LAMA5: variants seen among roughly 807,000 people sequenced by gnomAD.
LAMA5 encodes the protein laminin subunit alpha 5.
Under a neutral mutation model 433.4 loss-of-function variants are expected in LAMA5, and 260 were observed. The ratio of observed to expected loss-of-function variants is 0.60; its 90% CI spans 0.54 to 0.66. The LOEUF (loss-of-function observed/expected upper bound fraction) is 0.66, where lower values mean the gene tolerates loss of function less well. Ranked by LOEUF, LAMA5 falls within the 30% of genes least tolerant of loss-of-function variation. The pLI, the probability that LAMA5 is intolerant of heterozygous loss-of-function variation, is 0.00. For synonymous variants in LAMA5, 2,620 were observed against 2,226.6 expected (o/e 1.18, Z -4.97); for missense variants, 5,378 against 5,258.5 (o/e 1.02, Z -0.70).
chr20:62,363,226 C>A (rs1986353126), intron 1 of LAMA5, among the ~76,000 whole-genome samples: 1 of 152,184 alleles, frequency 6.6e-6, no homozygotes, highest in Non-Finnish European at 1.5e-5. Flanking sequence ...CCTGTGGGGA[C>A]CGGCCCCAGA....
rs1456837063 is a variant in LAMA5, at chr20:62,337,999, C to T, written c.1891+17G>A. ...TGTGGGTGGCAGAACCCCTTCCTGC[C>T]CTGACCCTCTGCTCACCTTGGCAGT... On this transcript the variant is annotated intron_variant, in intron 14 of 79. Transcript: ENST00000252999. The T allele has an allele frequency of 3.8e-6, 6 of 1,595,444 alleles. No individual in the cohort carries two copies. In the African/African-American group the frequency reaches 5.4e-5, roughly 14 times the overall value.
intron 76 of LAMA5, 48 bp downstream of exon 76, chr20:62,310,371 G>GA (rs1294900547): frequency 6.4e-7 from 1 of 1,562,952 alleles, no homozygotes; most frequent in Non-Finnish European, 8.6e-7. Flanking sequence ...ACCTCCTGGA[G>GA]CCCCCTGCCC....
chr20:62,366,572 G>A (rs1434675745), intron 1 of LAMA5, among the ~76,000 whole-genome samples: 1 of 152,210 alleles, frequency 6.6e-6, no homozygotes, highest in Non-Finnish European at 1.5e-5. Context: ...CCCGGGTAGG[G>A]CGGAGCTGCG....
chr20:62,324,118 A>G lies in LAMA5; in HGVS notation c.5730T>C (p.Cys1910=), dbSNP rs1011548921. 6.6e-7 allele frequency: 1 copy of G among 1,525,310 alleles called. No homozygotes were observed. The highest frequency in any genetic ancestry group is 1.4e-5 in the African/African-American group (1 of 70,746). The allele number at this position is 1,525,310 out of a possible 1,614,324, so 94.5% of individuals were successfully genotyped here. A position where few individuals can be genotyped will look rare whatever the true frequency, so the allele number is the denominator to read the frequency against. ...CTGAGAGGGGGCAGGGGCAGCTGAC[A>G]CAGGGGGCGCTGGGGTCGTCCCTGC... ...VSSRDDPSAP[C]VSCPCPLSVP... is the part of the protein sequence containing the mutation. The change falls in exon 43 of 80, where the codon TGT becomes TGC. Residue 1910 remains cysteine (C), a synonymous_variant. Coordinates refer to ENST00000252999, the MANE Select transcript of LAMA5 (RefSeq NM_005560.6). The surrounding 1 kb of genome is among the most constrained non-coding windows in gnomAD (Gnocchi z 4.4).
Position 62,310,042 on chromosome 20 carries a change from T to C in LAMA5, c.10774A>G (p.Thr3592Ala). 1 of 1,611,206 alleles carries C rather than the reference T, an allele frequency of 6.2e-7. No individual in the cohort carries two copies. Among genetic ancestry groups the C allele is most frequent in the Non-Finnish European group, 8.5e-7 (1 of 1,179,716 alleles). Residue 3592 changes from threonine to alanine, a missense_variant, in exon 78 of 80, where the codon ACG becomes GCG. Transcript: ENST00000252999. ...RADDGAGEFS[T>A]SVTRPSVLCD... Reference sequence around the variant, plus strand: ...AGCACTGAGGGGCGGGTCACTGACGTGGAGAACTCCCCTGCTCCGTCATCC... The same window carrying C: ...AGCACTGAGGGGCGGGTCACTGACGCGGAGAACTCCCCTGCTCCGTCATCC...
Position 62,325,535 on chromosome 20 carries a change from C to A in LAMA5, c.5310G>T (p.Arg1770=). Reference sequence around the variant, plus strand: ...ACACAGTGTTGCGCGTCTCCGTATGCCGGAAGTTCCCCTGTGGGTCCAGGA... The same window carrying A: ...ACACAGTGTTGCGCGTCTCCGTATGACGGAAGTTCCCCTGTGGGTCCAGGA... ...GQLQLVEGNF[R]HTETRNTVSR... is the part of the protein sequence containing the mutation. The change falls in exon 41 of 80, where the codon CGG becomes CGT. Residue 1770 remains arginine (R), a synonymous_variant. Coordinates refer to ENST00000252999, the MANE Select transcript of LAMA5 (RefSeq NM_005560.6). The A allele has an allele frequency of 1.2e-6, 2 of 1,606,200 alleles. No individual in the cohort carries two copies. The highest frequency in any genetic ancestry group is 8.5e-7 in the Non-Finnish European group (1 of 1,175,680).
chr20:62,358,644 C>A (rs1985595924), intron 2 of LAMA5, among the ~76,000 whole-genome samples: 1 of 152,150 alleles, frequency 6.6e-6, no homozygotes, highest in East Asian at 1.9e-4. Flanking sequence ...GTGCTCCTCC[C>A]ATTTACAGAG....
rs966761227 is a variant in LAMA5, at chr20:62,332,734, G to A, written c.3283-17C>T. The A allele has an allele frequency of 1.9e-6, 3 of 1,607,948 alleles. No individual in the cohort carries two copies. The highest frequency in any genetic ancestry group is 2.2e-5 in the East Asian group (1 of 44,834). On this transcript the variant is annotated splice_polypyrimidine_tract_variant and intron_variant, in intron 26 of 79. Coordinates refer to ENST00000252999, the MANE Select transcript of LAMA5 (RefSeq NM_005560.6). ...GACGTCCACCTGCAGGGAAGGCAGG[G>A]TGACGGGAGGCCCGCCACCCCTCGC...
Position 62,330,730 on chromosome 20 carries a change from C to T in LAMA5, c.3852+13G>A, listed in dbSNP as rs531686503. On this transcript the variant is annotated intron_variant, in intron 30 of 79. Transcript: ENST00000252999. Reference sequence around the variant, plus strand: ...CCTGACACCCCCGTCCCTCTAGAGACTATGGCCCTCACCTGGGGCTCACGC... The same window carrying T: ...CCTGACACCCCCGTCCCTCTAGAGATTATGGCCCTCACCTGGGGCTCACGC... 2.8e-5 allele frequency: 44 copies of T among 1,557,388 alleles called. No individual in the cohort carries two copies. Among genetic ancestry groups the T allele is most frequent in the Admixed American group, 5.8e-5 (3 of 51,718 alleles).
At position 62,311,459 on chromosome 20, in the gene LAMA5, G is replaced by GC; in HGVS notation, c.9883dup (p.Ala3295GlyfsTer12). On this transcript the variant is annotated frameshift_variant, in exon 72 of 80. Coordinates refer to ENST00000252999, the MANE Select transcript of LAMA5 (RefSeq NM_005560.6). LOFTEE classifies it high-confidence loss of function. ...CAGGCCCGGGGTCTGGGCTTGCAGGGCGGGTGCACAGCCCGTGCTCACATT... is the reference window on the plus strand; with the variant it reads ...CAGGCCCGGGGTCTGGGCTTGCAGGGCCGGGTGCACAGCCCGTGCTCACATT... 6.2e-7 allele frequency: 1 copy of GC among 1,606,626 alleles called. No homozygotes were observed. The highest frequency in any genetic ancestry group is 8.5e-7 in the Non-Finnish European group (1 of 1,177,028).
In LAMA5 at chr20:62,317,719, A is replaced by G. The variant is rs751036425; in HGVS notation, c.7299T>C (p.Ala2433=). The change falls in exon 54 of 80, where the codon GCT becomes GCC. Residue 2433 remains alanine, a synonymous_variant. Coordinates refer to ENST00000252999, the MANE Select transcript of LAMA5 (RefSeq NM_005560.6). The part of the protein sequence containing the change: ...NATLQATLHA[A]RDTLASVFRL... ...TGAAGACGCTGGCCAGGGTGTCCCT[A>G]GCCGCATGCAGAGTGGCCTGCAGGG... is the stretch of plus-strand genomic sequence containing the variant. 7 of 1,606,960 alleles carry G rather than the reference A, an allele frequency of 4.4e-6. No individual in the cohort carries two copies. The highest frequency in any genetic ancestry group is 4.2e-6 in the Non-Finnish European group (5 of 1,177,666).
intron 47 of LAMA5, 36 bp downstream of exon 47, chr20:62,322,233 T>C (rs1260339120): frequency 2.6e-6 from 4 of 1,561,786 alleles, no homozygotes; most frequent in African/African-American, 1.4e-5. Context: ...CACTCAGAAG[T>C]CCCCATCCGC....
chr20:62,334,153 G>T (rs534665051), intron 22 of LAMA5, 33 bp downstream of exon 22: 2 of 1,603,828 alleles, frequency 1.2e-6, no homozygotes, highest in African/African-American at 1.3e-5. Context: ...TCCACTTCTA[G>T]GCTGAGCCTG....
chr20:62,310,480 G>A lies in LAMA5; in HGVS notation c.10539C>T (p.Cys3513=). The A allele has an allele frequency of 2.5e-6, 4 of 1,591,984 alleles. No individual in the cohort carries two copies. Among genetic ancestry groups the A allele is most frequent in the Non-Finnish European group, 3.4e-6 (4 of 1,171,650 alleles). ...GGCCCGCCTCCAGGGGGCCCAAGAT[G>A]CAGGGTGTGACCCCTGCCATCCGTG... is the stretch of plus-strand genomic sequence containing the variant. ...APTRMAGVTP[C]ILGPLEAGLF... Residue 3513 remains cysteine, a synonymous_variant, in exon 76 of 80, where the codon TGC becomes TGT. Coordinates refer to ENST00000252999, the MANE Select transcript of LAMA5 (RefSeq NM_005560.6).
At chr20:62,321,721 T>TGGGGCCAGGGGA (rs1309404900) in intron 48 of LAMA5, among the ~76,000 whole-genome samples, 4 of 17,014 alleles carry the variant, frequency 2.4e-4, no homozygotes, top group African/African-American at 2.5e-4. Context: ...AGCAGAGGGG[T>TGGGGCCAGGGGA]GGGGTCAGTG....
chr20:62,318,374 G>C, intron 53 of LAMA5, 80 bp downstream of exon 53: 1 of 1,029,752 alleles, frequency 9.7e-7, no homozygotes, highest in South Asian at 1.4e-5. Flanking sequence ...GGGAGGGGAG[G>C]GGAGGAGCCG....
intron 1 of LAMA5, among the ~76,000 whole-genome samples, chr20:62,365,228 T>C (rs2146383679): frequency 6.6e-6 from 1 of 152,342 alleles, no homozygotes; most frequent in Non-Finnish European, 1.5e-5. Flanking sequence ...CTCTGAGGCA[T>C]GGAGCACCAC....
At chr20:62,349,906 G>C (rs115556932) in intron 6 of LAMA5, among the ~76,000 whole-genome samples, 4 of 148,964 alleles carry the variant, frequency 2.7e-5, no homozygotes, top group African/African-American at 9.9e-5. Context: ...TGGAGGTAAA[G>C]AGGCAGAAAA....
Position 62,333,236 on chromosome 20 carries a change from G to A in LAMA5, c.3136C>T (p.Leu1046Phe), listed in dbSNP as rs1158185315. Residue 1046 changes from leucine to phenylalanine, a missense_variant, in exon 26 of 80, where the codon CTC becomes TTC. Leu to Phe is a conservative substitution (Grantham distance 22, BLOSUM62 0). Transcript: ENST00000252999. ...CCATCCAGGGGGAGGTGTGTGTAGA[G>A]GAGGCAGCTGGGGGGACACAGGCCG... is the stretch of plus-strand genomic sequence containing the variant. ...SAQQSGDNCLLYTHLPLDGFP... is the reference protein window; with the variant it reads ...SAQQSGDNCLFYTHLPLDGFP... 1.9e-6 allele frequency: 3 copies of A among 1,545,814 alleles called. No homozygotes were observed. The highest frequency in any genetic ancestry group is 1.7e-6 in the Non-Finnish European group (2 of 1,143,668).
Sources: allele counts gnomAD v4.1 joint callset (sites outside exome capture counted in the v4.1 genomes callset), GRCh38; gene constraint gnomAD v4.1.1; non-coding constraint Gnocchi (gnomAD v3.1); transcripts MANE v1.5; gene names NCBI Gene and HGNC (gene_info 2026-07-23, HGNC 2026-07-21).